The following DNMT3A variants were observed in gnomAD, a reference collection of about 807,000 sequenced individuals.
DNMT3A encodes DNA (cytosine-5)-methyltransferase 3A.
DNMT3A carries 267 observed loss-of-function variants against 117.6 expected under a neutral mutation model. That is an observed-to-expected ratio of 2.27 (90% CI 2.05 to 2.51). The LOEUF (loss-of-function observed/expected upper bound fraction) is 2.51. Among genes scored for constraint, DNMT3A ranks in the 30% most tolerant of loss-of-function variants. The probability of loss-of-function intolerance (pLI) is 0.00; values close to 1 mark genes in which losing one functional copy is unlikely to be tolerated. For missense variants in DNMT3A, 1,029 were observed against 1,260.2 expected, an observed-to-expected ratio of 0.82 and a Z score of 2.78; for synonymous variants, 432 against 474.8, an observed-to-expected ratio of 0.91 and a Z score of 1.17.
intron 1 of DNMT3A, among the ~76,000 whole-genome samples, chr2:25,335,906 G>T (rs1057433459): frequency 1.3e-5 from 2 of 151,970 alleles, no homozygotes; most frequent in African/African-American, 4.8e-5. Context: ...GCCTTTAAGG[G>T]TCAGAGAGGA....
chr2:25,307,454 C>T (rs576606350), intron 2 of DNMT3A, among the ~76,000 whole-genome samples: 10 of 147,424 alleles, frequency 6.8e-5, no homozygotes, highest in African/African-American at 2.2e-4. Context: ...CACCACACAC[C>T]GCAGCTTTTT....
rs556882220 is a variant in DNMT3A, at chr2:25,269,410, C to T, written c.639+5531G>A. ...TGTGGACTGGAGAAATCTTGGAAAC[C>T]TTCCTGGAGGAGGCAGCAGCTCTTG... On this transcript the variant is annotated intron_variant, in intron 6 of 22. Transcript: ENST00000321117. Among the ~76,000 whole-genome samples the T allele has an allele frequency of 1.1e-4, 17 of 152,322 alleles. 1 individual carries two copies. The South Asian group carries it at 3.3e-3, about 30-fold the overall frequency.
chr2:25,332,029 A>C (rs1202611560), intron 1 of DNMT3A, among the ~76,000 whole-genome samples: 2 of 151,984 alleles, frequency 1.3e-5, no homozygotes, highest in Non-Finnish European at 2.9e-5. Flanking sequence ...CACTTCCTAA[A>C]TGTCACACCA....
intron 22 of DNMT3A, among the ~76,000 whole-genome samples, chr2:25,235,292 C>G (rs996325703): frequency 1.3e-5 from 2 of 152,010 alleles, no homozygotes; most frequent in East Asian, 1.9e-4. Context: ...TCAAGCGATT[C>G]TCCTGTCTCA....
intron 1 of DNMT3A, chr2:25,314,433 G>A (rs1187330942): frequency 1.2e-5 from 12 of 985,160 alleles, no homozygotes; most frequent in Non-Finnish European, 1.4e-5. Context: ...AGCTGCCTCC[G>A]CCTCCTCCCT....
rs2032886222 is a variant in DNMT3A, at chr2:25,293,142, G to A, written c.177+6997C>T. 1.3e-5 allele frequency among the ~76,000 whole-genome samples: 2 copies of A among 152,054 alleles called. No individual in the cohort carries two copies. Among genetic ancestry groups the A allele is most frequent in the South Asian group, 4.1e-4 (2 of 4,830 alleles). On this transcript the variant is annotated intron_variant, in intron 3 of 22. Transcript: ENST00000321117. The surrounding 1 kb of genome is among the most constrained non-coding windows in gnomAD (Gnocchi z 4.7). ...CAGAAGCCTTGTCTCTGACAACAAC[G>A]CTGATGCTGTCCCTGTTGTGCCATT...
At chr2:25,264,145 T>TG (rs1573382660) in intron 6 of DNMT3A, among the ~76,000 whole-genome samples, 2 of 134,504 alleles carry the variant, frequency 1.5e-5, no homozygotes, top group East Asian at 2.2e-4. Context: ...TTTTTTTTTT[T>TG]TTTTTTTTTT....
Position 25,282,664 on chromosome 2 carries a change from G to A in DNMT3A, c.225C>T (p.Ser75=), listed in dbSNP as rs1035530349. 5 of 1,588,060 alleles carry A rather than the reference G, an allele frequency of 3.1e-6. No individual in the cohort carries two copies. In the African/African-American group the frequency reaches 5.4e-5, roughly 17 times the overall value. ...TPKDPAVISK[S]PSMAQDSGAS... ...CGCCTGAGTCCTGGGCCATGGATGG[G>A]GACTTGGAGATCACCGCAGGGTCCT... The change falls in exon 4 of 23, where the codon TCC becomes TCT. Residue 75 remains serine, a synonymous_variant. Transcript: ENST00000321117. The surrounding 1 kb of genome is among the most constrained non-coding windows in gnomAD (Gnocchi z 5.2).
At chr2:25,287,171 G>A (rs145042307) in intron 3 of DNMT3A, among the ~76,000 whole-genome samples, 24 of 152,248 alleles carry the variant, frequency 1.6e-4, no homozygotes, top group African/African-American at 4.1e-4. Context: ...GCACACCCCC[G>A]AGATACTCAT....
Position 25,327,506 on chromosome 2 carries a change from G to GCCATGACT in DNMT3A, c.-177-13353_-177-13346dup, listed in dbSNP as rs1334596347. Reference sequence around the variant, plus strand: ...ACTGCCTTCTGTGTGTTCTCTCCCAGCCATGACTCCATCTGGCTCCTTGCT... The same window carrying GCCATGACT: ...ACTGCCTTCTGTGTGTTCTCTCCCAGCCATGACTCCATGACTCCATCTGGCTCCTTGCT... On this transcript the variant is annotated intron_variant, in intron 1 of 22. Transcript: ENST00000321117. This position sits in a 1 kb window ranked among gnomAD's most constrained non-coding sequence, Gnocchi z 4.1. Among the ~76,000 whole-genome samples the GCCATGACT allele has an allele frequency of 6.6e-6, 1 of 152,136 alleles. No homozygotes were observed. Among genetic ancestry groups the GCCATGACT allele is most frequent in the Non-Finnish European group, 1.5e-5 (1 of 68,020 alleles).
chr2:25,288,716 A>G (rs2032513023), intron 3 of DNMT3A, among the ~76,000 whole-genome samples: 1 of 152,200 alleles, frequency 6.6e-6, no homozygotes, highest in Admixed American at 6.5e-5. Context: ...TGGTTATACA[A>G]CCTTTACCCC....
intron 2 of DNMT3A, 88 bp downstream of exon 2, chr2:25,313,825 C>T (rs2034251327): frequency 1.3e-6 from 2 of 1,540,670 alleles, no homozygotes; most frequent in Admixed American, 2.0e-5. Flanking sequence ...CGGTCATGCA[C>T]TCAGTATGAG....
chr2:25,313,047 C>T (rs1222038749), intron 2 of DNMT3A, among the ~76,000 whole-genome samples: 1 of 152,168 alleles, frequency 6.6e-6, no homozygotes, highest in African/African-American at 2.4e-5. Flanking sequence ...ATCATAAGAT[C>T]CCCTGGAGGG....
At chr2:25,324,479 C>T (rs1022063470) in intron 1 of DNMT3A, among the ~76,000 whole-genome samples, 3 of 152,196 alleles carry the variant, frequency 2.0e-5, no homozygotes, top group Non-Finnish European at 2.9e-5. Flanking sequence ...GCGCCATGAT[C>T]GATGTTTGTG....
At chr2:25,235,085 A>G (rs1237775403) in intron 22 of DNMT3A, among the ~76,000 whole-genome samples, 2 of 152,064 alleles carry the variant, frequency 1.3e-5, no homozygotes, top group East Asian at 3.9e-4. Context: ...AGACCTATAA[A>G]ATTGGCACCA....
At chr2:25,277,179 C>G (rs1418833821) in intron 4 of DNMT3A, among the ~76,000 whole-genome samples, 1 of 152,170 alleles carries the variant, frequency 6.6e-6, no homozygotes, top group African/African-American at 2.4e-5. Context: ...CGCGCACTCG[C>G]CAGCGCTTTG....
Position 25,247,244 on chromosome 2 carries a change from C to T in DNMT3A, c.1015-86G>A. 2.2e-6 allele frequency: 3 copies of T among 1,347,982 alleles called. No individual in the cohort carries two copies. The highest frequency in any genetic ancestry group is 3.1e-6 in the Non-Finnish European group (3 of 958,268). The allele number at this position is 1,347,982 out of a possible 1,614,324, so 83.5% of individuals were successfully genotyped here. A position where few individuals can be genotyped will look rare whatever the true frequency, so the allele number is the denominator to read the frequency against. On this transcript the variant is annotated intron_variant, in intron 8 of 22. Transcript: ENST00000321117. The surrounding 1 kb of genome is among the most constrained non-coding windows in gnomAD (Gnocchi z 5.6). ...CCTTGCAACTGGCAGGGGCTGGGAG[C>T]CTCGAGAGTCAGTCTCAGCCCTGGA...
intron 16 of DNMT3A, chr2:25,241,996 CT>C: frequency 2.3e-6 from 1 of 432,340 alleles, no homozygotes; most frequent in Non-Finnish European, 4.1e-6. Flanking sequence ...TCACAGCTGA[CT>C]TTTTGGGGGC....
In DNMT3A at chr2:25,293,141, C is replaced by T. The variant is rs887074991; in HGVS notation, c.177+6998G>A. 2.6e-5 allele frequency among the ~76,000 whole-genome samples: 4 copies of T among 152,188 alleles called. No individual in the cohort carries two copies. Among genetic ancestry groups the T allele is most frequent in the African/African-American group, 4.8e-5 (2 of 41,446 alleles). ...CCAGAAGCCTTGTCTCTGACAACAA[C>T]GCTGATGCTGTCCCTGTTGTGCCAT... On this transcript the variant is annotated intron_variant, in intron 3 of 22. Coordinates refer to ENST00000321117, the MANE Select transcript of DNMT3A (RefSeq NM_022552.5). This position sits in a 1 kb window ranked among gnomAD's most constrained non-coding sequence, Gnocchi z 4.7.
Sources: gnomAD v4.1 joint callset for allele counts (sites outside exome capture counted in the v4.1 genomes callset) on GRCh38, gnomAD v4.1.1 for gene constraint, Gnocchi (gnomAD v3.1) non-coding constraint, MANE v1.5 for transcripts, NCBI Gene and HGNC (gene_info 2026-07-23, HGNC 2026-07-21) for gene names.